Variants in SLC1A2 observed in about 807,000 individuals in gnomAD.
SLC1A2 encodes excitatory amino acid transporter 2.
A neutral mutation model predicts 48.8 loss-of-function variants in SLC1A2; 15 were observed. The ratio of observed to expected loss-of-function variants is 0.31; its 90% CI spans 0.21 to 0.47. SLC1A2 has a LOEUF of 0.47. Among genes scored for constraint, SLC1A2 ranks in the 20% least tolerant of loss-of-function variants. The pLI is 0.99. For missense variants in SLC1A2, 502 were observed against 730.5 expected (o/e 0.69, Z 3.61); for synonymous variants, 279 against 272.6 (o/e 1.02, Z -0.23).
intron 1 of SLC1A2, among the ~76,000 whole-genome samples, chr11:35,341,171 C>T (rs1003043041): frequency 3.9e-5 from 6 of 152,146 alleles, no homozygotes; most frequent in African/African-American, 1.2e-4. Context: ...AGGTTCGCCC[C>T]GAAGTGCTAC....
intron 5 of SLC1A2, 36 bp downstream of exon 5, chr11:35,306,038 C>A (rs1362568749): frequency 6.2e-7 from 1 of 1,603,750 alleles, no homozygotes; most frequent in Admixed American, 1.7e-5. Context: ...CAGCCATTGC[C>A]AGGGAAGCAG....
intron 1 of SLC1A2, among the ~76,000 whole-genome samples, chr11:35,404,748 G>C (rs1007327984): frequency 6.6e-6 from 1 of 152,196 alleles, no homozygotes; most frequent in Non-Finnish European, 1.5e-5. Flanking sequence ...TTGAGATCTA[G>C]AGTTTACTTG....
At chr11:35,296,165 T>C (rs10742340) in intron 6 of SLC1A2, among the ~76,000 whole-genome samples, 62,675 of 151,732 alleles carry the variant, frequency 0.41, 13,043 homozygotes, top group South Asian at 0.55. Flanking sequence ...AGGTCTTAAC[T>C]CACTGGAATA....
intron 1 of SLC1A2, among the ~76,000 whole-genome samples, chr11:35,387,219 T>G: frequency 6.6e-6 from 1 of 152,070 alleles, no homozygotes. Flanking sequence ...TAAGAAGAAA[T>G]GGGTCAAATC....
chr11:35,305,765 CAG>C (rs1035784595), intron 5 of SLC1A2, among the ~76,000 whole-genome samples: 43 of 152,192 alleles, frequency 2.8e-4, no homozygotes, highest in African/African-American at 1.0e-3. Flanking sequence ...CTTAATAACA[CAG>C]AGAGTCAGAG....
intron 1 of SLC1A2, among the ~76,000 whole-genome samples, chr11:35,356,484 T>C (rs1379884444): frequency 1.3e-5 from 2 of 152,212 alleles, no homozygotes; most frequent in East Asian, 1.9e-4. Flanking sequence ...AGCACTCCCC[T>C]GGAACCCTGG....
In SLC1A2 at chr11:35,251,240, T is replaced by C. The variant is rs1241643640; in HGVS notation, c.*9654A>G. ...TCCACATTTATTGATGAGAGATATATACACAAAAGTTAAAACACTTAGTGA... is the reference window on the plus strand; with the variant it reads ...TCCACATTTATTGATGAGAGATATACACACAAAAGTTAAAACACTTAGTGA... On this transcript the variant is annotated 3_prime_UTR_variant, in exon 11 of 11. Transcript: ENST00000278379. 1 of 152,628 alleles carries C rather than the reference T, an allele frequency of 6.6e-6. No homozygotes were observed. The highest frequency in any genetic ancestry group is 2.4e-5 in the African/African-American group (1 of 41,452). The allele number at this position is 152,628 out of a possible 1,614,324, so 9.5% of individuals were successfully genotyped here.
chr11:35,379,674 T>C (rs981934702), intron 1 of SLC1A2, among the ~76,000 whole-genome samples: 5 of 152,228 alleles, frequency 3.3e-5, no homozygotes, highest in African/African-American at 9.6e-5. Flanking sequence ...CACTCACTTA[T>C]GGATGGAAAC....
chr11:35,371,976 A>G (rs1363640766), intron 1 of SLC1A2, among the ~76,000 whole-genome samples: 1 of 152,204 alleles, frequency 6.6e-6, no homozygotes, highest in Admixed American at 6.5e-5. Context: ...TGGAGCCACT[A>G]ATACTCCTGG....
At chr11:35,325,410 G>A (rs139487195) in intron 1 of SLC1A2, among the ~76,000 whole-genome samples, 20 of 152,276 alleles carry the variant, frequency 1.3e-4, no homozygotes, top group African/African-American at 4.6e-4. Flanking sequence ...TAAACACTTT[G>A]AGGACAAACT....
intron 7 of SLC1A2, 70 bp from the exon 8 acceptor site, chr11:35,287,021 G>GCATAAC (rs1850844229): frequency 1.7e-6 from 2 of 1,159,076 alleles, no homozygotes; most frequent in Non-Finnish European, 2.5e-6. Context: ...GCATAAACTG[G>GCATAAC]AATGCCACTG....
intron 7 of SLC1A2, among the ~76,000 whole-genome samples, chr11:35,287,218 T>G (rs1235722527): frequency 1.3e-5 from 2 of 152,116 alleles, no homozygotes; most frequent in African/African-American, 2.4e-5. Flanking sequence ...AGATTTTTTC[T>G]TTTGGCCACT....
At chr11:35,414,718 C>T (rs529617031) in intron 1 of SLC1A2, among the ~76,000 whole-genome samples, 33 of 152,248 alleles carry the variant, frequency 2.2e-4, no homozygotes, top group African/African-American at 7.2e-4. Flanking sequence ...CTTCAGACTG[C>T]GAAGACAAGT....
rs1950281954 is a variant in SLC1A2 at position 35,254,179 on chromosome 11, G to A, written c.*6715C>T. ...AGTTTGCCAGCTCTTTCCTCAAGCT[G>A]TAGAAAACAAATAGAAAAACAATAT... On this transcript the variant is annotated 3_prime_UTR_variant, in exon 11 of 11. Transcript: ENST00000278379. The A allele has an allele frequency of 6.6e-6, 1 of 152,576 alleles. No individual in the cohort carries two copies. The allele number at this position is 152,576 out of a possible 1,614,324, so 9.5% of individuals were successfully genotyped here. A position where few individuals can be genotyped will look rare whatever the true frequency, so the allele number is the denominator to read the frequency against.
chr11:35,356,290 C>T (rs1024124362), intron 1 of SLC1A2, among the ~76,000 whole-genome samples: 1 of 152,170 alleles, frequency 6.6e-6, no homozygotes, highest in Non-Finnish European at 1.5e-5. Flanking sequence ...TGATTTTGAA[C>T]AGTGATGTTA....
chr11:35,408,532 C>G (rs1365775176), intron 1 of SLC1A2, among the ~76,000 whole-genome samples: 1 of 152,140 alleles, frequency 6.6e-6, no homozygotes. Context: ...TGCCTTTCAC[C>G]TCTCGCCATG....
At chr11:35,303,410 T>C (rs1851410261) in intron 5 of SLC1A2, among the ~76,000 whole-genome samples, 1 of 152,228 alleles carries the variant, frequency 6.6e-6, no homozygotes. Flanking sequence ...AGTAAGTTAT[T>C]GGTCTGGAAA....
At chr11:35,382,783 G>A (rs186637283) in intron 1 of SLC1A2, among the ~76,000 whole-genome samples, 46 of 150,338 alleles carry the variant, frequency 3.1e-4, no homozygotes, top group African/African-American at 1.0e-3. Context: ...GCAACAGAGC[G>A]AGACTCAGTC....
At chr11:35,294,891 G>T (rs1262756979) in intron 6 of SLC1A2, among the ~76,000 whole-genome samples, 3 of 152,276 alleles carry the variant, frequency 2.0e-5, no homozygotes, top group East Asian at 3.9e-4. Flanking sequence ...AAGTGTTAGG[G>T]TTTATAAATA....
Sources: allele counts gnomAD v4.1 joint callset (sites outside exome capture counted in the v4.1 genomes callset), GRCh38; gene constraint gnomAD v4.1.1; transcripts MANE v1.5; gene names NCBI Gene and HGNC (gene_info 2026-07-23, HGNC 2026-07-21).